The following FKBP15 variants were observed in gnomAD, a reference collection of about 807,000 sequenced individuals.
FKBP15 encodes FK506-binding protein 15.
A neutral mutation model predicts 158.1 loss-of-function variants in FKBP15; 106 were observed. The observed-to-expected ratio is 0.67, with a 90% CI of 0.57 to 0.79. The LOEUF (loss-of-function observed/expected upper bound fraction) is 0.79, where lower values mean the gene tolerates loss of function less well. FKBP15 is among the 30% of genes least tolerant of loss of function. The probability of loss-of-function intolerance (pLI) is 0.00; values close to 1 mark genes in which losing one functional copy is unlikely to be tolerated. For synonymous variants in FKBP15, 547 were observed against 548.6 expected (o/e 1.00, Z 0.04); for missense variants, 1,287 against 1,479.1 (o/e 0.87, Z 2.13).
intron 19 of FKBP15, among the ~76,000 whole-genome samples, chr9:113,179,918 A>C (rs1830363296): frequency 6.6e-6 from 1 of 152,192 alleles, no homozygotes. Flanking sequence ...ACAGATGACA[A>C]TGAAATCTAG....
chr9:113,175,229 C>T (rs1830282274), intron 21 of FKBP15, among the ~76,000 whole-genome samples: 3 of 152,078 alleles, frequency 2.0e-5, no homozygotes, highest in South Asian at 2.1e-4. Context: ...TAAAAACATA[C>T]GTATCCAGAA....
intron 9 of FKBP15, among the ~76,000 whole-genome samples, chr9:113,196,639 T>C (rs1376289421): frequency 6.6e-6 from 1 of 152,098 alleles, no homozygotes; most frequent in African/African-American, 2.4e-5. Context: ...CACCTCGGCC[T>C]CCCAAAGTGC....
chr9:113,174,314 G>T, intron 22 of FKBP15, 114 bp downstream of exon 22: 1 of 1,096,296 alleles, frequency 9.1e-7, no homozygotes, highest in Non-Finnish European at 1.3e-6. Flanking sequence ...TCCAAAGTGA[G>T]AGTATCAGCT....
At position 113,211,808 on chromosome 9, in the gene FKBP15, T is replaced by C. The variant is rs569821558; in HGVS notation, c.54-216A>G. Among the ~76,000 whole-genome samples the C allele has an allele frequency of 3.3e-5, 5 of 152,028 alleles. No individual in the cohort carries two copies. In the East Asian group the frequency reaches 7.8e-4, roughly 24 times the overall value. On this transcript the variant is annotated intron_variant, in intron 1 of 27. Coordinates refer to ENST00000238256, the MANE Select transcript of FKBP15 (RefSeq NM_015258.2). ...CAGCAAAGTGTCTTTGAAATCAAGATTGTGTATGTGATTTGAACATCATCA... is the reference window on the plus strand; with the variant it reads ...CAGCAAAGTGTCTTTGAAATCAAGACTGTGTATGTGATTTGAACATCATCA...
chr9:113,200,917 G>A (rs934125556), intron 6 of FKBP15, among the ~76,000 whole-genome samples: 18 of 151,742 alleles, frequency 1.2e-4, no homozygotes, highest in South Asian at 8.3e-4. Context: ...GGTGGTGTGC[G>A]CCTGTAGTCC....
chr9:113,199,150 C>T (rs1240605421), intron 7 of FKBP15, among the ~76,000 whole-genome samples: 1 of 152,136 alleles, frequency 6.6e-6, no homozygotes, highest in Non-Finnish European at 1.5e-5. Context: ...AAAAAAAACA[C>T]ATTACTACAA....
chr9:113,215,460 C>T (rs892430783), intron 1 of FKBP15, among the ~76,000 whole-genome samples: 2 of 151,308 alleles, frequency 1.3e-5, no homozygotes, highest in African/African-American at 2.4e-5. Context: ...TTTATGTGAG[C>T]GTGGTTTGTG....
In FKBP15 at chr9:113,198,495, G is replaced by A. The variant is rs540019402; in HGVS notation, c.717+360C>T. On this transcript the variant is annotated intron_variant, in intron 8 of 27. Coordinates refer to ENST00000238256, the MANE Select transcript of FKBP15 (RefSeq NM_015258.2). The surrounding 1 kb of genome is among the most constrained non-coding windows in gnomAD (Gnocchi z 5.2). Reference sequence around the variant, plus strand: ...AGGCCGGACATGGTGGTTCATGCCTGTAATCCCGGCACTTTGGGAGGCTGA... The same window carrying A: ...AGGCCGGACATGGTGGTTCATGCCTATAATCCCGGCACTTTGGGAGGCTGA... Among the ~76,000 whole-genome samples, 2 of 152,364 alleles carry A rather than the reference G, an allele frequency of 1.3e-5. No homozygotes were observed. Among genetic ancestry groups the A allele is most frequent in the East Asian group, 3.9e-4 (2 of 5,190 alleles).
Position 113,186,271 on chromosome 9 carries a change from G to A in FKBP15, c.1476C>T (p.Leu492=). The change falls in exon 15 of 28, where the codon CTC becomes CTT. Residue 492 remains leucine (L), a synonymous_variant. Transcript: ENST00000238256. ...QPVRPLYPAP[L]SQPPHFQGSG... The stretch of plus-strand genomic sequence containing the variant: ...TACCTTGGAAATGGGGAGGCTGAGA[G>A]AGCGGTGCTGGGTACAAAGGCCGAA... 1 of 1,565,534 alleles carries A rather than the reference G, an allele frequency of 6.4e-7. No homozygotes were observed. The highest frequency in any genetic ancestry group is 1.4e-5 in the African/African-American group (1 of 73,952).
At chr9:113,168,309 C>A in intron 27 of FKBP15, 151 bp downstream of exon 27, 1 of 645,244 alleles carries the variant, frequency 1.5e-6, no homozygotes, top group South Asian at 1.9e-5. Flanking sequence ...CTGCGCCCTC[C>A]CAGCCCAGCC....
intron 25 of FKBP15, 137 bp from the exon 26 acceptor site, chr9:113,170,079 G>T: frequency 8.6e-7 from 1 of 1,160,692 alleles, no homozygotes; most frequent in Non-Finnish European, 1.2e-6. Context: ...TATCTGTCAA[G>T]TCACTCCAGG....
intron 2 of FKBP15, among the ~76,000 whole-genome samples, chr9:113,207,620 G>C (rs1413753941): frequency 6.6e-6 from 1 of 152,128 alleles, no homozygotes; most frequent in Non-Finnish European, 1.5e-5. Flanking sequence ...TTACAGGCGT[G>C]AGCTACTGTA....
chr9:113,164,092 A>C lies in FKBP15; in HGVS notation c.*1986T>G, dbSNP rs1830061454. 7.4e-6 allele frequency: 1 copy of C among 135,644 alleles called. No individual in the cohort carries two copies. Among genetic ancestry groups the C allele is most frequent in the African/African-American group, 2.7e-5 (1 of 36,638 alleles). The allele number at this position is 135,644 out of a possible 1,614,324, so 8.4% of individuals were successfully genotyped here. On this transcript the variant is annotated 3_prime_UTR_variant, in exon 28 of 28. Transcript: ENST00000238256. ...GAAAAGATGGTTGTAAGCTTTGGGA[A>C]TTAAAAACAAACAAATACATTTTAG... is the stretch of plus-strand genomic sequence containing the variant.
At position 113,161,395 on chromosome 9, in the gene FKBP15, G is replaced by C. The variant is rs908286218; in HGVS notation, c.*4683C>G. ...GAAGTTCGGAACTCAGCAAGGGTGG[G>C]GAAGAAGGTGCAGGATAGAGGTGGA... On this transcript the variant is annotated 3_prime_UTR_variant, in exon 28 of 28. Transcript: ENST00000238256. 6 of 931,448 alleles carry C rather than the reference G, an allele frequency of 6.4e-6. No individual in the cohort carries two copies. Among genetic ancestry groups the C allele is most frequent in the Non-Finnish European group, 1.0e-5 (6 of 592,588 alleles). 57.7% of individuals were successfully genotyped at this position (931,448 alleles called of 1,614,324 possible).
chr9:113,170,160 G>A (rs866874166), intron 25 of FKBP15, among the ~76,000 whole-genome samples: 9 of 151,728 alleles, frequency 5.9e-5, no homozygotes, highest in Admixed American at 5.9e-4. Context: ...GTCTTGCTCT[G>A]TTATCCAGGC....
intron 7 of FKBP15, 110 bp from the exon 8 acceptor site, chr9:113,199,033 C>A: frequency 1.4e-6 from 1 of 715,572 alleles, no homozygotes; most frequent in South Asian, 1.7e-5. Flanking sequence ...TAGGGAATGT[C>A]AAATATACTG....
chr9:113,163,623 T>G lies in FKBP15; in HGVS notation c.*2455A>C, dbSNP rs1173416848. 6.6e-6 allele frequency: 1 copy of G among 152,414 alleles called. No homozygotes were observed. The highest frequency in any genetic ancestry group is 1.5e-5 in the Non-Finnish European group (1 of 68,042). 9.4% of individuals were successfully genotyped at this position (152,414 alleles called of 1,614,324 possible). On this transcript the variant is annotated 3_prime_UTR_variant, in exon 28 of 28. Transcript: ENST00000238256. Reference sequence around the variant, plus strand: ...GGGGAGAGAATAAGTGACAGCTGATTAAAGGCAGAGACACAGGACTGCTTT... The same window carrying G: ...GGGGAGAGAATAAGTGACAGCTGATGAAAGGCAGAGACACAGGACTGCTTT...
intron 12 of FKBP15, among the ~76,000 whole-genome samples, chr9:113,188,946 T>A (rs922013083): frequency 2.0e-5 from 3 of 152,234 alleles, no homozygotes; most frequent in African/African-American, 7.2e-5. Context: ...TCAGATAACG[T>A]AGGATTCACT....
At chr9:113,170,750 T>G in intron 24 of FKBP15, 121 bp from the exon 25 acceptor site, 1 of 738,092 alleles carries the variant, frequency 1.4e-6, no homozygotes, top group Non-Finnish European at 2.4e-6. Context: ...GGGATACTGC[T>G]GGTCATAAGC....
Sources: allele counts gnomAD v4.1 joint callset (sites outside exome capture counted in the v4.1 genomes callset), GRCh38; gene constraint gnomAD v4.1.1; non-coding constraint Gnocchi (gnomAD v3.1); transcripts MANE v1.5; gene names NCBI Gene and HGNC (gene_info 2026-07-23, HGNC 2026-07-21).